CEP126: variants seen among roughly 807,000 people sequenced by gnomAD.
CEP126 encodes the protein centrosomal protein 126, also known as centrosomal protein of 126 kDa.
Under a neutral mutation model 107.8 loss-of-function variants are expected in CEP126, and 74 were observed. The ratio of observed to expected loss-of-function variants is 0.69; its 90% confidence interval spans 0.57 to 0.83. The LOEUF is 0.83. Among genes scored for constraint, CEP126 ranks in the 40% least tolerant of loss-of-function variants. The probability of loss-of-function intolerance (pLI) is 0.00; values close to 1 mark genes in which losing one functional copy is unlikely to be tolerated. For synonymous variants in CEP126, 449 were observed against 446.0 expected (o/e 1.01, Z -0.08); for missense variants, 1,237 against 1,281.9 (o/e 0.96, Z 0.53).
intron 2 of CEP126, among the ~76,000 whole-genome samples, chr11:101,936,183 TCTC>T (rs1256283921): frequency 6.6e-6 from 1 of 152,102 alleles, no homozygotes; most frequent in Admixed American, 6.5e-5. Flanking sequence ...GCTTATCTCT[TCTC>T]CTCTTTCCCC....
At chr11:101,977,271 A>G (rs534493714) in intron 6 of CEP126, among the ~76,000 whole-genome samples, 5 of 152,256 alleles carry the variant, frequency 3.3e-5, no homozygotes, top group Non-Finnish European at 7.4e-5. Flanking sequence ...TTGTTTACCT[A>G]TCCTTGCATT....
chr11:101,940,085 C>CAA (rs555535131), intron 2 of CEP126, among the ~76,000 whole-genome samples: 2 of 150,810 alleles, frequency 1.3e-5, no homozygotes, highest in African/African-American at 4.9e-5. Context: ...TACAATAGTA[C>CAA]AAAAAAAAAT....
intron 1 of CEP126, among the ~76,000 whole-genome samples, chr11:101,921,153 A>C (rs1415949708): frequency 6.6e-6 from 1 of 152,196 alleles, no homozygotes; most frequent in Non-Finnish European, 1.5e-5. Flanking sequence ...TTCTGGATAC[A>C]CAGATGACTA....
intron 2 of CEP126, among the ~76,000 whole-genome samples, chr11:101,940,108 C>T (rs1940643744): frequency 6.6e-6 from 1 of 152,086 alleles, no homozygotes; most frequent in Non-Finnish European, 1.5e-5. Context: ...CTGGAACAGA[C>T]ATCTCTGTTT....
Position 101,944,339 on chromosome 11 carries a change from A to C in CEP126, c.323A>C (p.Lys108Thr). ...AGAGAACAAATACTTCAACAAAGAA[A>C]ACAGAAGTTTGAAGAAGTTACTGAA... ...QIREQILQQR[K>T]QKFEEVTEKF... Residue 108 changes from lysine (K) to threonine (T), a missense_variant, in exon 3 of 11, where the codon AAA (lysine) becomes ACA (threonine). Coordinates refer to ENST00000263468, the MANE Select transcript of CEP126 (RefSeq NM_020802.4). 6.2e-7 allele frequency: 1 copy of C among 1,612,160 alleles called. No homozygotes were observed. Among genetic ancestry groups the C allele is most frequent in the Non-Finnish European group, 8.5e-7 (1 of 1,179,242 alleles).
intron 5 of CEP126, among the ~76,000 whole-genome samples, chr11:101,960,331 A>C (rs1940954911): frequency 6.6e-6 from 1 of 152,212 alleles, no homozygotes; most frequent in Non-Finnish European, 1.5e-5. Flanking sequence ...AGACCTATGC[A>C]AATGGAAATC....
Position 101,962,954 on chromosome 11 carries a change from A to G in CEP126, c.1919A>G (p.Glu640Gly). ...TGGTTTGATGAAACTAGCAATATAG[A>G]AAACAATGCTGAAAACAGTCATTCA... ...LRWFDETSNI[E>G]NNAENSHSLK... Residue 640 changes from glutamate (E) to glycine (G), a missense_variant, in exon 6 of 11, where the codon GAA becomes GGA. By Grantham distance (98) the Glu-to-Gly change is moderately conservative (BLOSUM62 -2). Coordinates refer to ENST00000263468, the MANE Select transcript of CEP126 (RefSeq NM_020802.4). 1 of 1,610,686 alleles carries G rather than the reference A, an allele frequency of 6.2e-7. No individual in the cohort carries two copies. The highest frequency in any genetic ancestry group is 8.5e-7 in the Non-Finnish European group (1 of 1,179,176).
In CEP126 at chr11:101,963,811, G is replaced by A. The variant is rs769392312; in HGVS notation, c.2776G>A (p.Ala926Thr). ...ESYPSVTLRTAEEESVPLWKR... is the reference protein window; with the variant it reads ...ESYPSVTLRTTEEESVPLWKR... The stretch of plus-strand genomic sequence containing the variant: ...TTATCCGTCTGTGACTCTAAGAACT[G>A]CTGAAGAAGAATCAGTTCCCTTATG... Residue 926 changes from alanine (A) to threonine (T), a missense_variant, in exon 6 of 11, where the codon GCT becomes ACT. Coordinates refer to ENST00000263468, the MANE Select transcript of CEP126 (RefSeq NM_020802.4). 1.9e-5 allele frequency: 30 copies of A among 1,614,158 alleles called. No individual in the cohort carries two copies. The highest frequency in any genetic ancestry group is 2.5e-5 in the Non-Finnish European group (30 of 1,180,016).
At chr11:101,937,768 G>A (rs1037428631) in intron 2 of CEP126, among the ~76,000 whole-genome samples, 10 of 151,968 alleles carry the variant, frequency 6.6e-5, no homozygotes, top group Non-Finnish European at 1.0e-4. Flanking sequence ...TTTTTTGTGG[G>A]AAACTTATTA....
At chr11:101,945,782 C>G (rs1240200566) in intron 3 of CEP126, among the ~76,000 whole-genome samples, 1 of 151,708 alleles carries the variant, frequency 6.6e-6, no homozygotes, top group Non-Finnish European at 1.5e-5. Context: ...GAAGAAAGAA[C>G]AGGAAAAAAG....
intron 2 of CEP126, among the ~76,000 whole-genome samples, chr11:101,938,574 A>G (rs1349451727): frequency 6.6e-6 from 1 of 152,064 alleles, no homozygotes; most frequent in African/African-American, 2.4e-5. Context: ...TTGGCCAAGC[A>G]TGGTGGCTCA....
At chr11:101,930,904 T>A (rs975362174) in intron 2 of CEP126, among the ~76,000 whole-genome samples, 1 of 152,230 alleles carries the variant, frequency 6.6e-6, no homozygotes, top group African/African-American at 2.4e-5. Flanking sequence ...ACTGTATATA[T>A]CATGCACAGG....
chr11:101,986,287 T>C (rs775443976), intron 8 of CEP126, among the ~76,000 whole-genome samples: 2 of 152,142 alleles, frequency 1.3e-5, no homozygotes, highest in Non-Finnish European at 2.9e-5. Flanking sequence ...CCAGCCCAAA[T>C]TGATTCTTTT....
intron 8 of CEP126, among the ~76,000 whole-genome samples, chr11:101,983,517 G>T (rs977989881): frequency 1.3e-5 from 2 of 152,154 alleles, no homozygotes; most frequent in Admixed American, 1.3e-4. Flanking sequence ...ACTGAAAATT[G>T]AAGAGAACCA....
At chr11:101,977,777 A>T (rs1178424445) in intron 6 of CEP126, among the ~76,000 whole-genome samples, 1 of 152,212 alleles carries the variant, frequency 6.6e-6, no homozygotes, top group Non-Finnish European at 1.5e-5. Flanking sequence ...AGAGCTTGTT[A>T]AGATACTATA....
chr11:101,915,984 ACT>A (rs1591263989), intron 1 of CEP126: 1 of 152,274 alleles, frequency 6.6e-6, no homozygotes, highest in East Asian at 1.9e-4. Context: ...ATCTGGATTA[ACT>A]CTGACTTTTC....
intron 10 of CEP126, among the ~76,000 whole-genome samples, chr11:101,995,716 A>T (rs1198462017): frequency 1.3e-5 from 2 of 152,202 alleles, no homozygotes; most frequent in African/African-American, 4.8e-5. Flanking sequence ...CTTAGTCACC[A>T]ATCTATCAAT....
chr11:101,919,024 A>G (rs1475728721), intron 1 of CEP126, among the ~76,000 whole-genome samples: 3 of 152,226 alleles, frequency 2.0e-5, no homozygotes, highest in Non-Finnish European at 2.9e-5. Context: ...ATATTATAGA[A>G]TGGTTTATAT....
chr11:101,943,509 T>C (rs1591276414), intron 2 of CEP126, among the ~76,000 whole-genome samples: 1 of 151,554 alleles, frequency 6.6e-6, no homozygotes, highest in African/African-American at 2.4e-5. Flanking sequence ...TTTTCTTTTT[T>C]TTTTTTTCAT....
Sources: allele counts gnomAD v4.1 joint callset (sites outside exome capture counted in the v4.1 genomes callset), GRCh38; gene constraint gnomAD v4.1.1; transcripts MANE v1.5; gene names NCBI Gene and HGNC (gene_info 2026-07-23, HGNC 2026-07-21).